Variants in SLC71A2 observed in about 807,000 individuals in gnomAD.
SLC71A2 encodes the protein hippocampus abundant transcript-like 1.
chr9:94,438,788 C>A, the SLC71A2 span, among the ~76,000 whole-genome samples: 2 of 152,270 alleles, frequency 1.3e-5, no homozygotes, highest in East Asian at 3.9e-4. Flanking sequence ...CCTCTTCAGG[C>A]AGCTGATGTT....
the SLC71A2 span, among the ~76,000 whole-genome samples, chr9:94,385,822 T>G: frequency 9.2e-5 from 14 of 152,056 alleles, no homozygotes; most frequent in Non-Finnish European, 1.5e-4. Context: ...TTTGGCTGTT[T>G]GGTGTTCTTT....
the SLC71A2 span, among the ~76,000 whole-genome samples, chr9:94,410,113 G>A: frequency 6.6e-6 from 1 of 151,094 alleles, no homozygotes; most frequent in Non-Finnish European, 1.5e-5. Context: ...TTTCCTAAAC[G>A]AGACTGGAGT....
chr9:94,385,950 G>A, the SLC71A2 span, among the ~76,000 whole-genome samples: 1 of 152,264 alleles, frequency 6.6e-6, no homozygotes, highest in Admixed American at 6.5e-5. Flanking sequence ...GTGCAGTGGT[G>A]TGGTCGTGGC....
chr9:94,445,295 G>GT, the SLC71A2 span: 4 of 858,224 alleles, frequency 4.7e-6, no homozygotes, highest in Non-Finnish European at 7.0e-6. Context: ...TATTTCTTTA[G>GT]TAAAAATAGA....
the SLC71A2 span, among the ~76,000 whole-genome samples, chr9:94,403,428 G>A: frequency 7.1e-4 from 107 of 150,706 alleles, no homozygotes; most frequent in African/African-American, 2.5e-3. Flanking sequence ...ATGAGCCACC[G>A]TTACCAGCCG....
At chr9:94,455,814 G>C in the SLC71A2 span, among the ~76,000 whole-genome samples, 3 of 152,248 alleles carry the variant, frequency 2.0e-5, no homozygotes, top group Admixed American at 2.0e-4. Flanking sequence ...CTCTGTTGAG[G>C]GGTAGCAAGC....
the SLC71A2 span, chr9:94,429,075 T>A: frequency 6.9e-7 from 1 of 1,441,938 alleles, no homozygotes; most frequent in East Asian, 2.5e-5. Flanking sequence ...TTTGTTGATA[T>A]TTTATAATTT....
At chr9:94,444,909 T>A in the SLC71A2 span, 1 of 1,533,302 alleles carries the variant, frequency 6.5e-7, no homozygotes, top group Non-Finnish European at 9.0e-7. Flanking sequence ...AAGGATATGC[T>A]TTCCCCAGAG....
chr9:94,376,423 C>A, the SLC71A2 span, among the ~76,000 whole-genome samples: 3 of 152,034 alleles, frequency 2.0e-5, no homozygotes, highest in Non-Finnish European at 4.4e-5. Flanking sequence ...CTCACCCCAG[C>A]GTCAGTCCAC....
At chr9:94,453,773 CT>C in the SLC71A2 span, among the ~76,000 whole-genome samples, 1 of 152,190 alleles carries the variant, frequency 6.6e-6, no homozygotes, top group East Asian at 1.9e-4. Context: ...CCAGGTCAGG[CT>C]GGGAGCCCCC....
chr9:94,457,905 G>GAGAT, the SLC71A2 span, among the ~76,000 whole-genome samples: 1 of 151,936 alleles, frequency 6.6e-6, no homozygotes, highest in South Asian at 2.1e-4. Flanking sequence ...GGTCTCTAGG[G>GAGAT]AGATAGGCTG....
At chr9:94,415,429 A>G in the SLC71A2 span, among the ~76,000 whole-genome samples, 2 of 152,228 alleles carry the variant, frequency 1.3e-5, no homozygotes, top group South Asian at 2.1e-4. Flanking sequence ...ATGTAACACA[A>G]AACACCTCTT....
chr9:94,394,330 ATAT>A, the SLC71A2 span, among the ~76,000 whole-genome samples: 10 of 92,576 alleles, frequency 1.1e-4, no homozygotes, highest in East Asian at 3.1e-4. Flanking sequence ...TTGTATTCCA[ATAT>A]TATTATTAGG....
At chr9:94,378,701 G>T in the SLC71A2 span, among the ~76,000 whole-genome samples, 1 of 152,140 alleles carries the variant, frequency 6.6e-6, no homozygotes, top group Non-Finnish European at 1.5e-5. Context: ...ATTGAGAAGA[G>T]ATCAGCCCCC....
At chr9:94,401,448 A>G in the SLC71A2 span, among the ~76,000 whole-genome samples, 1 of 152,254 alleles carries the variant, frequency 6.6e-6, no homozygotes, top group South Asian at 2.1e-4. Context: ...CTGGGATTAC[A>G]GGCGTGAGCC....
At chr9:94,452,649 ATATATATTC>A in the SLC71A2 span, among the ~76,000 whole-genome samples, 1 of 64,092 alleles carries the variant, frequency 1.6e-5, no homozygotes, top group African/African-American at 7.5e-5. Context: ...ATATATATTC[ATATATATTC>A]ATATATATTC....
the SLC71A2 span, among the ~76,000 whole-genome samples, chr9:94,385,558 G>A: frequency 8.0e-3 from 1,214 of 152,088 alleles, 17 homozygotes; most frequent in African/African-American, 0.028. Context: ...ATGGTGTGAA[G>A]TAGGGGTCCA....
the SLC71A2 span, chr9:94,445,283 CTTAT>C: frequency 1.4e-5 from 13 of 948,514 alleles, no homozygotes; most frequent in Admixed American, 2.8e-5. Context: ...CAGTTGTTGA[CTTAT>C]TTCTTTAGTA....
chr9:94,417,118 A>G, the SLC71A2 span, among the ~76,000 whole-genome samples: 2 of 152,180 alleles, frequency 1.3e-5, no homozygotes, highest in African/African-American at 4.8e-5. Flanking sequence ...TATTCTTTGA[A>G]CAAATACATG....
Sources: allele counts gnomAD v4.1 joint callset (sites outside exome capture counted in the v4.1 genomes callset), GRCh38; gene constraint gnomAD v4.1.1; transcripts MANE v1.5; gene names NCBI Gene and HGNC (gene_info 2026-07-23, HGNC 2026-07-21).